CASR: variants seen among roughly 807,000 people sequenced by gnomAD.
CASR encodes the protein calcium sensing receptor.
Under a neutral mutation model 69.1 loss-of-function variants are expected in CASR, and 23 were observed. That is an observed-to-expected ratio of 0.33 (90% CI 0.24 to 0.47). The LOEUF (loss-of-function observed/expected upper bound fraction) is 0.47. CASR is among the 20% of genes least tolerant of loss of function. CASR has a pLI of 1.00. For missense variants in CASR, 924 were observed against 1,356.1 expected, an observed-to-expected ratio of 0.68 and a Z score of 5.00; for synonymous variants, 541 against 544.7, an observed-to-expected ratio of 0.99 and a Z score of 0.10.
chr3:122,255,726 T>C (rs922334158), intron 2 of CASR, among the ~76,000 whole-genome samples: 4 of 152,316 alleles, frequency 2.6e-5, no homozygotes, highest in African/African-American at 9.6e-5. Context: ...ACTTTGTAGA[T>C]TTAAAACAAA....
chr3:122,277,935 G>A (rs562291925), intron 5 of CASR, among the ~76,000 whole-genome samples: 2 of 152,272 alleles, frequency 1.3e-5, no homozygotes, highest in East Asian at 3.9e-4. Flanking sequence ...AGTTGACACA[G>A]TTATAAGTTA....
rs550514170 is a variant in CASR at position 122,258,751 on chromosome 3, G to T, written c.492+1364G>T. Among the ~76,000 whole-genome samples, 4 of 152,230 alleles carry T rather than the reference G, an allele frequency of 2.6e-5. No homozygotes were observed. In the South Asian group the frequency reaches 8.3e-4, roughly 32 times the overall value. ...CAATATAAGTCTATCTACAGTAGGG[G>T]TTCTCTGCCATGTCTGCCATGGCTA... On this transcript the variant is annotated intron_variant, in intron 3 of 6. Transcript: ENST00000639785.
At chr3:122,252,003 T>C (rs1419896398) in intron 1 of CASR, among the ~76,000 whole-genome samples, 3 of 152,102 alleles carry the variant, frequency 2.0e-5, no homozygotes, top group Non-Finnish European at 2.9e-5. Context: ...AGGTTAAAAA[T>C]GATGGCAGGG....
intron 5 of CASR, among the ~76,000 whole-genome samples, chr3:122,278,088 A>G (rs915794234): frequency 6.6e-6 from 1 of 151,700 alleles, no homozygotes; most frequent in Non-Finnish European, 1.5e-5. Context: ...TATAAATTAT[A>G]TATTAGTAAC....
At chr3:122,252,920 G>A (rs1308915926) in intron 1 of CASR, among the ~76,000 whole-genome samples, 1 of 152,186 alleles carries the variant, frequency 6.6e-6, no homozygotes, top group Non-Finnish European at 1.5e-5. Flanking sequence ...ACCTGTAATT[G>A]GTAATTGACT....
At chr3:122,219,215 A>G (rs896453137) in intron 1 of CASR, among the ~76,000 whole-genome samples, 1 of 152,214 alleles carries the variant, frequency 6.6e-6, no homozygotes, top group Non-Finnish European at 1.5e-5. Context: ...CACCAAGAGT[A>G]AAAGCAGGGA....
At chr3:122,262,468 A>G (rs2074640377) in intron 4 of CASR, 56 bp downstream of exon 4, 1 of 1,495,810 alleles carries the variant, frequency 6.7e-7, no homozygotes, top group Non-Finnish European at 9.2e-7. Flanking sequence ...GTTGGGCTGC[A>G]ACTCCAGGCA....
At chr3:122,207,315 A>T (rs930085704) in intron 1 of CASR, among the ~76,000 whole-genome samples, 1 of 152,086 alleles carries the variant, frequency 6.6e-6, no homozygotes, top group Non-Finnish European at 1.5e-5. Context: ...CAACACACCT[A>T]ATAGGCCTAA....
chr3:122,223,379 C>G (rs1020668669), intron 1 of CASR, among the ~76,000 whole-genome samples: 2 of 152,058 alleles, frequency 1.3e-5, no homozygotes, highest in Non-Finnish European at 1.5e-5. Flanking sequence ...TACAACCAAC[C>G]GCACAGACAT....
intron 1 of CASR, among the ~76,000 whole-genome samples, chr3:122,200,510 A>G (rs1373431764): frequency 2.0e-5 from 3 of 152,050 alleles, no homozygotes; most frequent in Admixed American, 6.6e-5. Context: ...CACTTTTTCA[A>G]TTTTTTAAAA....
At chr3:122,255,334 A>T (rs2074543678) in intron 2 of CASR, among the ~76,000 whole-genome samples, 1 of 152,214 alleles carries the variant, frequency 6.6e-6, no homozygotes, top group Non-Finnish European at 1.5e-5. Context: ...TCCAGAAGGG[A>T]TCCAGCACTT....
At position 122,284,337 on chromosome 3, in the gene CASR, C is replaced by A; in HGVS notation, c.2383C>A (p.Arg795=). The change falls in exon 7 of 7, where the codon CGG becomes AGG. Residue 795 remains arginine, a synonymous_variant. Coordinates refer to ENST00000639785, the MANE Select transcript of CASR (RefSeq NM_000388.4). ...CTGCTTCTTCTTTGCCTTCAAGTCC[C>A]GGAAGCTGCCGGAGAACTTCAATGA... ...AICFFFAFKS[R]KLPENFNEAK... is the part of the protein sequence containing the mutation. 1 of 1,614,074 alleles carries A rather than the reference C, an allele frequency of 6.2e-7. No individual in the cohort carries two copies.
Position 122,283,857 on chromosome 3 carries a change from A to C in CASR, c.1903A>C (p.Ile635Leu), listed in dbSNP as rs2074924739. 1 of 1,613,798 alleles carries C rather than the reference A, an allele frequency of 6.2e-7. No individual in the cohort carries two copies. Among genetic ancestry groups the C allele is most frequent in the Non-Finnish European group, 8.5e-7 (1 of 1,179,956 alleles). The change falls in exon 7 of 7, where the codon ATC (isoleucine) becomes CTC (leucine). Residue 635 changes from isoleucine (I) to leucine (L), a missense_variant. By Grantham distance (5) the Ile-to-Leu change is conservative. This residue lies in a region of CASR where 184 missense variants were observed against 278.8 expected (regional missense o/e 0.66). Coordinates refer to ENST00000639785, the MANE Select transcript of CASR (RefSeq NM_000388.4). ...GACAGCCTTTGTGCTGGGTGTGTTT[A>C]TCAAGTTCCGCAACACACCCATTGT... ...FLTAFVLGVF[I>L]KFRNTPIVKA...
chr3:122,216,019 A>T lies in CASR; in HGVS notation c.-243+32207A>T, dbSNP rs147592257. Reference sequence around the variant, plus strand: ...GCTCATCTTTAATGGGGTGTTCATAATGTCCACTTTTCACAAGCTGTTATG... The same window carrying T: ...GCTCATCTTTAATGGGGTGTTCATATTGTCCACTTTTCACAAGCTGTTATG... On this transcript the variant is annotated intron_variant, in intron 1 of 6. Transcript: ENST00000639785. Among the ~76,000 whole-genome samples, 12 of 152,340 alleles carry T rather than the reference A, an allele frequency of 7.9e-5. No homozygotes were observed. The East Asian group carries it at 2.1e-3, about 27-fold the overall frequency.
intron 1 of CASR, among the ~76,000 whole-genome samples, chr3:122,190,828 C>G (rs1363944783): frequency 1.3e-5 from 2 of 152,206 alleles, no homozygotes; most frequent in Non-Finnish European, 2.9e-5. Context: ...ATTCCCAGAA[C>G]ATGTCAGGAG....
Position 122,283,926 on chromosome 3 carries a change from C to T in CASR, c.1972C>T (p.Leu658=), listed in dbSNP as rs201609857. Residue 658 remains leucine, a synonymous_variant, in exon 7 of 7, where the codon CTG becomes TTG. Coordinates refer to ENST00000639785, the MANE Select transcript of CASR (RefSeq NM_000388.4). ...GCTCTCCTACCTCCTCCTCTTCTCCCTGCTCTGCTGCTTCTCCAGCTCCCT... is the reference window on the plus strand; with the variant it reads ...GCTCTCCTACCTCCTCCTCTTCTCCTTGCTCTGCTGCTTCTCCAGCTCCCT... ...RELSYLLLFS[L]LCCFSSSLFF... is the part of the protein sequence containing the mutation. The T allele has an allele frequency of 6.2e-7, 1 of 1,613,722 alleles. No individual in the cohort carries two copies. The highest frequency in any genetic ancestry group is 1.1e-5 in the South Asian group (1 of 91,074).
chr3:122,289,488 A>G lies in CASR; in HGVS notation c.*4297A>G, dbSNP rs2074993638. 1 of 152,340 alleles carries G rather than the reference A, an allele frequency of 6.6e-6. No individual in the cohort carries two copies. The highest frequency in any genetic ancestry group is 1.5e-5 in the Non-Finnish European group (1 of 68,122). The allele number at this position is 152,340 out of a possible 1,614,324, so 9.4% of individuals were successfully genotyped here. On this transcript the variant is annotated 3_prime_UTR_variant, in exon 7 of 7. Coordinates refer to ENST00000639785, the MANE Select transcript of CASR (RefSeq NM_000388.4). ...GCACAGGGTAGAACCTGTCACAGGAATAAAGGTGCATTCCAAGGATCCAAA... is the reference window on the plus strand; with the variant it reads ...GCACAGGGTAGAACCTGTCACAGGAGTAAAGGTGCATTCCAAGGATCCAAA...
chr3:122,275,828 G>A lies in CASR; in HGVS notation c.1394G>A (p.Arg465Gln), dbSNP rs104893716. 6.2e-7 allele frequency: 1 copy of A among 1,613,414 alleles called. No individual in the cohort carries two copies. ...VEAWQVLKHL[R>Q]HLNFTNNMGE... ...CCTCTTTAGGTCCTGAAGCACCTAC[G>A]GCATCTAAACTTTACAAACAATATG... Residue 465 changes from arginine to glutamine, a missense_variant, in exon 5 of 7, where the codon CGG (arginine) becomes CAG (glutamine). Physicochemically the swap from Arg to Gln is conservative, Grantham distance 43. Coordinates refer to ENST00000639785, the MANE Select transcript of CASR (RefSeq NM_000388.4).
rs527818606 is a variant in CASR, at chr3:122,248,334, C to T, written c.-242-5614C>T. 3.3e-5 allele frequency among the ~76,000 whole-genome samples: 5 copies of T among 152,308 alleles called. No homozygotes were observed. In the East Asian group the frequency reaches 7.7e-4, roughly 23 times the overall value. On this transcript the variant is annotated intron_variant, in intron 1 of 6. Coordinates refer to ENST00000639785, the MANE Select transcript of CASR (RefSeq NM_000388.4). ...CTTCAGCAAGAGGTAAAGGAAGCTG[C>T]AACTACAGCCAGGCACGTGAGTTTG...
Sources: gnomAD v4.1 joint callset for allele counts (sites outside exome capture counted in the v4.1 genomes callset) on GRCh38, gnomAD v4.1.1 for gene constraint, gnomAD v4.1.1 regional missense constraint, MANE v1.5 for transcripts, NCBI Gene and HGNC (gene_info 2026-07-23, HGNC 2026-07-21) for gene names.